Variants in TECTA observed in about 807,000 individuals in gnomAD.
TECTA encodes alpha-tectorin.
A neutral mutation model predicts 216.8 loss-of-function variants in TECTA; 128 were observed. The observed-to-expected ratio is 0.59, with a 90% confidence interval of 0.51 to 0.68. The LOEUF is 0.68. Among genes scored for constraint, TECTA ranks in the 30% least tolerant of loss-of-function variants. The pLI, the probability that TECTA is intolerant of heterozygous loss-of-function variation, is 0.00. For synonymous variants in TECTA, 1,089 were observed against 1,117.1 expected, an observed-to-expected ratio of 0.97 and a Z score of 0.50; for missense variants, 2,551 against 2,786.2, an observed-to-expected ratio of 0.92 and a Z score of 1.90.
At chr11:121,146,298 C>T (rs1946838424) in intron 12 of TECTA, 182 bp downstream of exon 12, 1 of 690,240 alleles carries the variant, frequency 1.4e-6, no homozygotes, top group Non-Finnish European at 2.5e-6. Context: ...GCCTCCATGT[C>T]CTTATTGGTA....
intron 7 of TECTA, among the ~76,000 whole-genome samples, chr11:121,120,637 G>A (rs1946548570): frequency 6.6e-6 from 1 of 152,210 alleles, no homozygotes; most frequent in African/African-American, 2.4e-5. Context: ...GCTGGGTTCT[G>A]TACATGGATT....
In TECTA at chr11:121,113,137, C is replaced by T. The variant is rs148364865; in HGVS notation, c.552C>T (p.Tyr184=). 7.7e-5 allele frequency: 125 copies of T among 1,614,122 alleles called. No homozygotes were observed. Among genetic ancestry groups the T allele is most frequent in the African/African-American group, 7.1e-4 (53 of 75,028 alleles). ...GSYTFTLFNY[Y]EINWTTGTAS... is the part of the protein sequence containing the mutation. ...ATACATTCACCCTCTTCAATTATTA[C>T]GAAATCAACTGGACCACGGGGACGG... Residue 184 remains tyrosine, a synonymous_variant, in exon 5 of 24, where the codon TAC becomes TAT. Transcript: ENST00000392793. This position sits in a 1 kb window ranked among gnomAD's most constrained non-coding sequence, Gnocchi z 4.2.
chr11:121,161,743 A>G (rs1947002233), intron 15 of TECTA, among the ~76,000 whole-genome samples: 1 of 151,092 alleles, frequency 6.6e-6, no homozygotes, highest in African/African-American at 2.4e-5. Flanking sequence ...ATACCTGTTA[A>G]TGGTTATTAT....
At chr11:121,108,696 C>T (rs1295528839) in intron 3 of TECTA, among the ~76,000 whole-genome samples, 3 of 150,266 alleles carry the variant, frequency 2.0e-5, no homozygotes, top group Admixed American at 6.6e-5. Context: ...ACACCTCACC[C>T]CAATACACAC....
chr11:121,119,008 C>CAA lies in TECTA; in HGVS notation c.1203+291_1203+292insAA, dbSNP rs57709992. Among the ~76,000 whole-genome samples the CAA allele has an allele frequency of 0.47, 70,006 of 149,806 alleles. 17,352 individuals carry two copies. The highest frequency in any genetic ancestry group is 0.64 in the African/African-American group (25,945 of 40,348). On this transcript the variant is annotated intron_variant, in intron 7 of 23. Transcript: ENST00000392793. The stretch of plus-strand genomic sequence containing the variant: ...ACACTGATAGGCACACACACACACA[C>CAA]ACACACACACACACACACACACACA...
rs1946903127 is a variant in TECTA at position 121,152,820 on chromosome 11, G to A, written c.4106-61G>A. ...CCCTGAGTAGGTGAGCAATGGCCAT[G>A]AGAAAACCCTCCTCGGTGCCTTGTG... On this transcript the variant is annotated intron_variant, in intron 12 of 23. Coordinates refer to ENST00000392793, the MANE Select transcript of TECTA (RefSeq NM_005422.4). 3.2e-6 allele frequency: 5 copies of A among 1,542,106 alleles called. No individual in the cohort carries two copies. The Admixed American group carries it at 8.7e-5, about 27-fold the overall frequency.
In TECTA at chr11:121,152,974, A is replaced by T; in HGVS notation, c.4199A>T (p.His1400Leu). The change falls in exon 13 of 24, where the codon CAC (histidine) becomes CTC (leucine). Residue 1400 changes from histidine to leucine, a missense_variant. By Grantham distance (99) the His-to-Leu change is moderately conservative. This residue lies in a region of TECTA where 2,375 missense variants were observed against 2,563.9 expected (regional missense o/e 0.93). Coordinates refer to ENST00000392793, the MANE Select transcript of TECTA (RefSeq NM_005422.4). Reference sequence around the variant, plus strand: ...ATCCGCCTGAAGAGTGACTGCAGCCACTACTGCGTGGAGGGCTGTCACTGC... The same window carrying T: ...ATCCGCCTGAAGAGTGACTGCAGCCTCTACTGCGTGGAGGGCTGTCACTGC... ...AAIRLKSDCS[H>L]YCVEGCHCDA... is the part of the protein sequence containing the mutation. 1 of 1,614,154 alleles carries T rather than the reference A, an allele frequency of 6.2e-7. No homozygotes were observed.
At chr11:121,137,274 A>G (rs1361184784) in intron 10 of TECTA, 147 bp from the exon 11 acceptor site, 9 of 1,057,646 alleles carry the variant, frequency 8.5e-6, no homozygotes, top group Non-Finnish European at 1.3e-5. Flanking sequence ...ATGCATGCAC[A>G]AATGCATGCA....
chr11:121,139,626 A>G (rs1591450260), intron 11 of TECTA, among the ~76,000 whole-genome samples: 1 of 151,948 alleles, frequency 6.6e-6, no homozygotes, highest in East Asian at 1.9e-4. Flanking sequence ...GGAGGCGGAG[A>G]TTGCAGTGAG....
At chr11:121,109,651 C>A in intron 4 of TECTA, 153 bp downstream of exon 4, 1 of 872,022 alleles carries the variant, frequency 1.1e-6, no homozygotes, top group Non-Finnish European at 1.8e-6. Flanking sequence ...TTGCAGGAAA[C>A]AGAGGGAACT....
chr11:121,162,404 T>G, intron 16 of TECTA, 34 bp downstream of exon 16: 1 of 1,601,838 alleles, frequency 6.2e-7, no homozygotes. Context: ...TGAATTCCAT[T>G]TTCAGTGAAA....
Position 121,160,183 on chromosome 11 carries a change from A to C in TECTA, c.4738A>C (p.Lys1580Gln), listed in dbSNP as rs2135122980. 5.6e-6 allele frequency: 9 copies of C among 1,614,262 alleles called. No homozygotes were observed. The highest frequency in any genetic ancestry group is 7.6e-6 in the Non-Finnish European group (9 of 1,180,052). The stretch of plus-strand genomic sequence containing the variant: ...TCCATTTATAACTGGTTTGGCAACC[A>C]AAATCTACAGCAGTGAGGGGTTTCT... ...NVPFITGLAT[K>Q]IYSSEGFLVI... is the part of the protein sequence containing the mutation. The change falls in exon 15 of 24, where the codon AAA becomes CAA. Residue 1580 changes from lysine to glutamine, a missense_variant. Around this residue, in one of 3 missense-constraint regions of TECTA, gnomAD observed 2,375 missense variants for 2,563.9 expected, o/e 0.93. Transcript: ENST00000392793.
At chr11:121,107,156 C>G (rs1311159003) in intron 3 of TECTA, among the ~76,000 whole-genome samples, 2 of 152,212 alleles carry the variant, frequency 1.3e-5, no homozygotes, top group African/African-American at 4.8e-5. Flanking sequence ...CCTAGTCTGT[C>G]TTTGTAATAG....
chr11:121,108,617 C>T (rs1946413410), intron 3 of TECTA, among the ~76,000 whole-genome samples: 1 of 149,752 alleles, frequency 6.7e-6, no homozygotes, highest in African/African-American at 2.5e-5. Flanking sequence ...CGTATACACA[C>T]ACACTCCCCA....
rs756576088 is a variant in TECTA at position 121,158,145 on chromosome 11, C to A, written c.4610C>A (p.Pro1537His). 6.2e-7 allele frequency: 1 copy of A among 1,614,176 alleles called. No homozygotes were observed. Among genetic ancestry groups the A allele is most frequent in the South Asian group, 1.1e-5 (1 of 91,086 alleles). ...ATCAACTTCGACAAGTGGTCGGCCC[C>A]CAACCTCACCATCATTTCGCCCGTC... ...LIINFDKWSA[P>H]NLTIISPVYF... Residue 1537 changes from proline to histidine, a missense_variant, in exon 14 of 24, where the codon CCC (proline) becomes CAC (histidine). By Grantham distance (77) the Pro-to-His change is moderately conservative. This residue lies in a region of TECTA where 2,375 missense variants were observed against 2,563.9 expected (regional missense o/e 0.93). Coordinates refer to ENST00000392793, the MANE Select transcript of TECTA (RefSeq NM_005422.4).
At chr11:121,167,446 CA>C (rs1947065434) in intron 18 of TECTA, among the ~76,000 whole-genome samples, 1 of 152,028 alleles carries the variant, frequency 6.6e-6, no homozygotes, top group African/African-American at 2.4e-5. Context: ...CAAAACAAAA[CA>C]AAACAAAAAA....
chr11:121,167,451 C>CA (rs1158724183), intron 18 of TECTA, among the ~76,000 whole-genome samples: 4 of 151,984 alleles, frequency 2.6e-5, no homozygotes, highest in Non-Finnish European at 4.4e-5. Flanking sequence ...CAAAACAAAA[C>CA]AAAAAAACAG....
Position 121,125,487 on chromosome 11 carries a change from C to T in TECTA, c.1389C>T (p.Asn463=), listed in dbSNP as rs1228751211. The part of the protein sequence containing the change: ...YINSTCGLCG[N]YNKNPLDDFL... ...ACTCCACCTGTGGACTCTGTGGAAA[C>T]TATAATAAAAACCCACTGGATGACT... The change falls in exon 8 of 24, where the codon AAC becomes AAT. Residue 463 remains asparagine, a synonymous_variant. Transcript: ENST00000392793. 15 of 1,614,114 alleles carry T rather than the reference C, an allele frequency of 9.3e-6. No individual in the cohort carries two copies. Among genetic ancestry groups the T allele is most frequent in the Non-Finnish European group, 8.5e-7 (1 of 1,180,054 alleles).
At chr11:121,145,188 T>C (rs1382722337) in intron 11 of TECTA, among the ~76,000 whole-genome samples, 3 of 152,190 alleles carry the variant, frequency 2.0e-5, no homozygotes, top group Non-Finnish European at 4.4e-5. Flanking sequence ...ATAAATTCCA[T>C]GGTAGAGCTA....
Sources: gnomAD v4.1 joint callset for allele counts (sites outside exome capture counted in the v4.1 genomes callset) on GRCh38, gnomAD v4.1.1 for gene constraint, gnomAD v4.1.1 regional missense constraint, Gnocchi (gnomAD v3.1) non-coding constraint, MANE v1.5 for transcripts, NCBI Gene and HGNC (gene_info 2026-07-23, HGNC 2026-07-21) for gene names.